Variants in KLHL8 observed in about 807,000 individuals in gnomAD.
KLHL8 encodes the protein kelch like family member 8, also known as kelch-like protein 8.
In KLHL8, 38 loss-of-function variants were observed where a neutral mutation model predicts 63.5. The observed-to-expected ratio is 0.60, with a 90% CI of 0.46 to 0.78. The LOEUF (loss-of-function observed/expected upper bound fraction) is 0.78, where lower values mean the gene tolerates loss of function less well. KLHL8 is among the 30% of genes least tolerant of loss of function. KLHL8 has a pLI of 0.00. For missense variants in KLHL8, 566 were observed against 752.4 expected (o/e 0.75, Z 2.90); for synonymous variants, 224 against 254.3 (o/e 0.88, Z 1.13).
intron 1 of KLHL8, among the ~76,000 whole-genome samples, chr4:87,212,956 C>T (rs943472454): frequency 1.3e-5 from 2 of 152,142 alleles, no homozygotes; most frequent in African/African-American, 4.8e-5. Context: ...AAGAGTGTAT[C>T]CCCATCCTTA....
At chr4:87,216,806 G>C (rs1368619137) in intron 1 of KLHL8, among the ~76,000 whole-genome samples, 1 of 152,094 alleles carries the variant, frequency 6.6e-6, no homozygotes, top group Non-Finnish European at 1.5e-5. Flanking sequence ...AATTGTACTG[G>C]CAGCATTTTA....
chr4:87,171,983 C>CCT (rs1340685059), intron 6 of KLHL8, among the ~76,000 whole-genome samples: 4 of 152,190 alleles, frequency 2.6e-5, no homozygotes, highest in African/African-American at 9.7e-5. Flanking sequence ...TCACTGCCCA[C>CCT]CTCGCTGTGG....
At chr4:87,168,682 G>GTATATATA (rs1560690091) in intron 8 of KLHL8, among the ~76,000 whole-genome samples, 30 of 145,686 alleles carry the variant, frequency 2.1e-4, no homozygotes, top group African/African-American at 7.0e-4. Context: ...GTGTATATAT[G>GTATATATA]TGTGTATATA....
At chr4:87,217,552 T>C (rs1400204009) in intron 1 of KLHL8, among the ~76,000 whole-genome samples, 1 of 152,118 alleles carries the variant, frequency 6.6e-6, no homozygotes, top group Non-Finnish European at 1.5e-5. Context: ...CGCCGTGTTG[T>C]TCAGGCTGGT....
At chr4:87,238,585 C>T (rs1733275084) in intron 1 of KLHL8, among the ~76,000 whole-genome samples, 1 of 152,072 alleles carries the variant, frequency 6.6e-6, no homozygotes, top group Non-Finnish European at 1.5e-5. Flanking sequence ...CTATTGAGCA[C>T]TTGAAATGGG....
chr4:87,226,429 G>A (rs751114809), intron 1 of KLHL8, among the ~76,000 whole-genome samples: 3 of 149,776 alleles, frequency 2.0e-5, no homozygotes, highest in Non-Finnish European at 3.0e-5. Flanking sequence ...CGGGCATGGC[G>A]GTGCACGCCT....
chr4:87,208,331 CTT>C (rs1164062433), intron 1 of KLHL8, among the ~76,000 whole-genome samples: 5 of 151,828 alleles, frequency 3.3e-5, no homozygotes, highest in African/African-American at 1.2e-4. Flanking sequence ...TTGGTCAACT[CTT>C]GTTAGTCTAG....
intron 1 of KLHL8, among the ~76,000 whole-genome samples, chr4:87,199,302 C>T (rs898548641): frequency 1.3e-5 from 2 of 151,922 alleles, no homozygotes; most frequent in South Asian, 4.1e-4. Flanking sequence ...GAAGTTGGAC[C>T]CTCACCTTAC....
intron 5 of KLHL8, 107 bp downstream of exon 5, chr4:87,178,370 T>C: frequency 1.7e-6 from 2 of 1,199,986 alleles, no homozygotes; most frequent in Non-Finnish European, 2.3e-6. Flanking sequence ...TATTTAAAAA[T>C]AATTTACAAT....
chr4:87,176,749 T>C lies in KLHL8; in HGVS notation c.1208+8A>G. The C allele has an allele frequency of 7.0e-7, 1 of 1,438,812 alleles. No homozygotes were observed. Among genetic ancestry groups the C allele is most frequent in the East Asian group, 2.3e-5 (1 of 43,590 alleles). The allele number at this position is 1,438,812 out of a possible 1,614,324, so 89.1% of individuals were successfully genotyped here. On this transcript the variant is annotated splice_region_variant and intron_variant, in intron 6 of 9. Coordinates refer to ENST00000273963, the MANE Select transcript of KLHL8 (RefSeq NM_020803.5). ...ATCAGTTCAAAATAACTTTCCATGCTGATCTACCTCTTTGTGTTCATTGAT... is the reference window on the plus strand; with the variant it reads ...ATCAGTTCAAAATAACTTTCCATGCCGATCTACCTCTTTGTGTTCATTGAT...
intron 1 of KLHL8, 49 bp downstream of exon 1, chr4:87,220,369 G>C (rs1732785677): frequency 6.6e-6 from 1 of 151,864 alleles, no homozygotes; most frequent in Admixed American, 6.6e-5. Context: ...AAAGGAAGAG[G>C]GGACTGAGGG....
intron 1 of KLHL8, among the ~76,000 whole-genome samples, chr4:87,205,435 ACACAAAGG>A (rs1732086026): frequency 1.4e-5 from 2 of 143,178 alleles, no homozygotes; most frequent in African/African-American, 5.0e-5. Context: ...ACACACACAC[ACACAAAGG>A]AAGACATCAG....
At chr4:87,194,765 G>A (rs977039013) in intron 2 of KLHL8, among the ~76,000 whole-genome samples, 4 of 152,182 alleles carry the variant, frequency 2.6e-5, no homozygotes, top group African/African-American at 4.8e-5. Context: ...TACAGATGAT[G>A]AGCAAAGTTC....
At position 87,205,412 on chromosome 4, in the gene KLHL8, A is replaced by AAC. The variant is rs76100807; in HGVS notation, c.-151-9724_-151-9723dup. ...ACAGAGTAAGATTCTGACTCAAGAA[A>AAC]ACACACACACACACACACACACACA... On this transcript the variant is annotated intron_variant, in intron 1 of 9. Transcript: ENST00000273963. Among the ~76,000 whole-genome samples, 1,469 of 151,092 alleles carry AAC rather than the reference A, an allele frequency of 9.7e-3. 17 individuals carry two copies. The highest frequency in any genetic ancestry group is 0.033 in the East Asian group (168 of 5,102).
At chr4:87,170,898 A>T (rs1730609087) in intron 6 of KLHL8, among the ~76,000 whole-genome samples, 2 of 152,142 alleles carry the variant, frequency 1.3e-5, no homozygotes, top group Non-Finnish European at 2.9e-5. Flanking sequence ...AAATAGTATA[A>T]AAGAGTTCAA....
intron 1 of KLHL8, among the ~76,000 whole-genome samples, chr4:87,219,180 G>A (rs1171029823): frequency 1.3e-5 from 2 of 152,228 alleles, no homozygotes; most frequent in African/African-American, 4.8e-5. Context: ...AGGGTGCCAG[G>A]AGGAAGTCTG....
intron 1 of KLHL8, among the ~76,000 whole-genome samples, chr4:87,208,361 CTTTT>C (rs1032649971): frequency 1.1e-3 from 170 of 151,210 alleles, no homozygotes; most frequent in African/African-American, 3.8e-3. Flanking sequence ...TCTTCTTCTT[CTTTT>C]TTTCTTTTTT....
chr4:87,198,097 T>C (rs1731772480), intron 1 of KLHL8, among the ~76,000 whole-genome samples: 1 of 150,088 alleles, frequency 6.7e-6, no homozygotes, highest in Non-Finnish European at 1.5e-5. Context: ...GGTGGGTGGC[T>C]CACCTGAGGT....
chr4:87,202,789 G>A (rs1458312517), intron 1 of KLHL8, among the ~76,000 whole-genome samples: 4 of 152,122 alleles, frequency 2.6e-5, no homozygotes, highest in Admixed American at 6.5e-5. Context: ...CGGAAGAGGA[G>A]AAAACACTTT....
Sources: allele counts gnomAD v4.1 joint callset (sites outside exome capture counted in the v4.1 genomes callset), GRCh38; gene constraint gnomAD v4.1.1; transcripts MANE v1.5; gene names NCBI Gene and HGNC (gene_info 2026-07-23, HGNC 2026-07-21).